MYO1B: variants seen among roughly 807,000 people sequenced by gnomAD.
The protein encoded by MYO1B is myosin IB, also known as unconventional myosin-Ib.
MYO1B carries 72 observed loss-of-function variants against 159.7 expected under a neutral mutation model. The observed-to-expected ratio is 0.45, with a 90% CI of 0.37 to 0.55. MYO1B has a LOEUF of 0.55. Among genes scored for constraint, MYO1B ranks in the 20% least tolerant of loss-of-function variants. The pLI is 0.00. For synonymous variants in MYO1B, 468 were observed against 473.8 expected, an observed-to-expected ratio of 0.99 and a Z score of 0.16; for missense variants, 1,062 against 1,364.8, an observed-to-expected ratio of 0.78 and a Z score of 3.50.
chr2:191,361,304 A>G (rs1290140885), intron 8 of MYO1B, among the ~76,000 whole-genome samples: 1 of 152,210 alleles, frequency 6.6e-6, no homozygotes, highest in Non-Finnish European at 1.5e-5. Context: ...AATGAGTACA[A>G]TTCTATAAAA....
At chr2:191,289,052 A>G (rs1688545272) in intron 2 of MYO1B, among the ~76,000 whole-genome samples, 1 of 152,230 alleles carries the variant, frequency 6.6e-6, no homozygotes, top group Non-Finnish European at 1.5e-5. Context: ...TTAAAGAATG[A>G]TTACGATTGA....
intron 14 of MYO1B, among the ~76,000 whole-genome samples, chr2:191,382,191 T>C (rs372503413): frequency 6.6e-6 from 1 of 152,140 alleles, no homozygotes; most frequent in Non-Finnish European, 1.5e-5. Context: ...GGAATTGTTA[T>C]GTTTATATTT....
chr2:191,314,525 T>C (rs2125872873), intron 3 of MYO1B, among the ~76,000 whole-genome samples: 1 of 152,372 alleles, frequency 6.6e-6, no homozygotes, highest in East Asian at 1.9e-4. Flanking sequence ...GTCTCTTCTA[T>C]ATTCATTCAC....
At chr2:191,411,203 C>G in intron 27 of MYO1B, 31 bp downstream of exon 27, 1 of 1,417,402 alleles carries the variant, frequency 7.1e-7, no homozygotes, top group Non-Finnish European at 9.7e-7. Context: ...CCATAAAATT[C>G]AGGATTATAA....
intron 21 of MYO1B, among the ~76,000 whole-genome samples, chr2:191,397,485 G>A (rs550756064): frequency 4.6e-5 from 7 of 152,164 alleles, no homozygotes; most frequent in South Asian, 2.1e-4. Context: ...CACAGCACAC[G>A]TTTCAGAGAG....
At chr2:191,343,532 A>G (rs1444383325) in intron 5 of MYO1B, among the ~76,000 whole-genome samples, 1 of 152,238 alleles carries the variant, frequency 6.6e-6, no homozygotes, top group Non-Finnish European at 1.5e-5. Context: ...CTCCATTGCA[A>G]TATCTTAATA....
intron 6 of MYO1B, among the ~76,000 whole-genome samples, 196 bp downstream of exon 6, chr2:191,346,478 C>G (rs1393209665): frequency 6.6e-6 from 1 of 152,130 alleles, no homozygotes; most frequent in African/African-American, 2.4e-5. Flanking sequence ...GAGTAACAAG[C>G]AATTTTTATC....
At chr2:191,417,637 C>A (rs1697655541) in intron 30 of MYO1B, among the ~76,000 whole-genome samples, 1 of 152,150 alleles carries the variant, frequency 6.6e-6, no homozygotes, top group African/African-American at 2.4e-5. Flanking sequence ...ACATCCAGAC[C>A]ACAAAGTACT....
intron 6 of MYO1B, among the ~76,000 whole-genome samples, chr2:191,346,764 G>A (rs1008328685): frequency 6.6e-6 from 1 of 152,200 alleles, no homozygotes; most frequent in Non-Finnish European, 1.5e-5. Flanking sequence ...GCGTGGGGCT[G>A]TAGAGTAGAA....
At chr2:191,387,197 T>C in intron 16 of MYO1B, 27 bp from the exon 17 acceptor site, 1 of 1,594,376 alleles carries the variant, frequency 6.3e-7, no homozygotes, top group Non-Finnish European at 8.6e-7. Context: ...AATGTGCCTG[T>C]CATTGAGTTA....
At chr2:191,385,862 T>A in intron 15 of MYO1B, 22 bp from the exon 16 acceptor site, 1 of 1,611,620 alleles carries the variant, frequency 6.2e-7, no homozygotes, top group Non-Finnish European at 8.5e-7. Context: ...GGAAGGAAAC[T>A]TTTTTATTTC....
chr2:191,360,757 T>G (rs373510348), intron 8 of MYO1B, 28 bp downstream of exon 8: 38 of 1,134,706 alleles, frequency 3.3e-5, no homozygotes, highest in African/African-American at 2.4e-4. Flanking sequence ...TGTGGTGTTG[T>G]TGTTGTTGTT....
At chr2:191,418,997 G>T (rs1697759260) in intron 30 of MYO1B, among the ~76,000 whole-genome samples, 1 of 152,188 alleles carries the variant, frequency 6.6e-6, no homozygotes, top group South Asian at 2.1e-4. Flanking sequence ...GATGACGGTG[G>T]TCCCCTAAGA....
At chr2:191,334,290 G>A (rs1268814463) in intron 4 of MYO1B, among the ~76,000 whole-genome samples, 1 of 152,050 alleles carries the variant, frequency 6.6e-6, no homozygotes, top group Admixed American at 6.6e-5. Flanking sequence ...TGTGACATCC[G>A]CCTTCTCAGA....
intron 2 of MYO1B, among the ~76,000 whole-genome samples, chr2:191,287,338 G>A (rs1480362969): frequency 6.6e-6 from 1 of 152,076 alleles, no homozygotes; most frequent in Non-Finnish European, 1.5e-5. Flanking sequence ...GACTAGCCTG[G>A]CCAACATGGT....
At chr2:191,292,183 A>C (rs759029687) in intron 2 of MYO1B, among the ~76,000 whole-genome samples, 16 of 152,342 alleles carry the variant, frequency 1.1e-4, no homozygotes, top group Admixed American at 4.6e-4. Context: ...TTGCTTATTT[A>C]GGTGGATAAA....
At chr2:191,317,384 A>G (rs748070188) in intron 3 of MYO1B, among the ~76,000 whole-genome samples, 2 of 152,258 alleles carry the variant, frequency 1.3e-5, no homozygotes, top group African/African-American at 4.8e-5. Context: ...CTCATTAGCC[A>G]GCTCTGAAGA....
At chr2:191,389,888 T>C (rs1695638173) in intron 17 of MYO1B, among the ~76,000 whole-genome samples, 1 of 152,204 alleles carries the variant, frequency 6.6e-6, no homozygotes, top group African/African-American at 2.4e-5. Context: ...TTCCCTTGTG[T>C]CCCTTGCATG....
At position 191,385,867 on chromosome 2, in the gene MYO1B, T is replaced by A; in HGVS notation, c.1354-17T>A. 1 of 1,612,172 alleles carries A rather than the reference T, an allele frequency of 6.2e-7. No homozygotes were observed. Among genetic ancestry groups the A allele is most frequent in the African/African-American group, 1.3e-5 (1 of 74,882 alleles). ...TAGTGAGGAAGGAAGGAAACTTTTT[T>A]ATTTCCGTTTTCCCAGAACACAAAT... On this transcript the variant is annotated splice_polypyrimidine_tract_variant and intron_variant, in intron 15 of 30. Transcript: ENST00000392318.
Sources: allele counts gnomAD v4.1 joint callset (sites outside exome capture counted in the v4.1 genomes callset), GRCh38; gene constraint gnomAD v4.1.1; transcripts MANE v1.5; gene names NCBI Gene and HGNC (gene_info 2026-07-23, HGNC 2026-07-21).